The following MND1 variants were observed in gnomAD, a reference collection of about 807,000 sequenced individuals.
The protein encoded by MND1 is meiotic nuclear divisions 1, also known as meiotic nuclear division protein 1 homolog.
Under a neutral mutation model 35.1 loss-of-function variants are expected in MND1, and 28 were observed. The ratio of observed to expected loss-of-function variants is 0.80; its 90% CI spans 0.59 to 1.09. The LOEUF (loss-of-function observed/expected upper bound fraction) is 1.09. Among genes scored for constraint, MND1 ranks in the 50% least tolerant of loss-of-function variants. The pLI, the probability that MND1 is intolerant of heterozygous loss-of-function variation, is 0.00. For synonymous variants in MND1, 69 were observed against 70.5 expected (o/e 0.98, Z 0.11); for missense variants, 213 against 239.6 (o/e 0.89, Z 0.73).
chr4:153,372,800 A>G (rs1265929477), intron 4 of MND1, among the ~76,000 whole-genome samples: 1 of 152,122 alleles, frequency 6.6e-6, no homozygotes, highest in East Asian at 1.9e-4. Flanking sequence ...GTATTCATTC[A>G]TTTCTGTTGC....
chr4:153,346,784 G>A (rs1267744978), intron 1 of MND1, among the ~76,000 whole-genome samples: 3 of 152,146 alleles, frequency 2.0e-5, no homozygotes, highest in Admixed American at 6.5e-5. Flanking sequence ...CCTGCCTCTG[G>A]GGGGCAGATT....
At position 153,374,577 on chromosome 4, in the gene MND1, T is replaced by C. The variant is rs10015068; in HGVS notation, c.276+15955T>C. 6.8e-3 allele frequency among the ~76,000 whole-genome samples: 1,028 copies of C among 152,262 alleles called. 4 individuals are homozygous for C. The highest frequency in any genetic ancestry group is 0.024 in the African/African-American group (988 of 41,570). On this transcript the variant is annotated intron_variant, in intron 4 of 7. Transcript: ENST00000240488. ...TATTCTACATATTGCCAAATTATAA[T>C]GTTAACTTCCCTTGAGTTTCTTGTT... is the stretch of plus-strand genomic sequence containing the variant.
At chr4:153,412,740 G>A (rs1180610509) in intron 7 of MND1, among the ~76,000 whole-genome samples, 1 of 150,728 alleles carries the variant, frequency 6.6e-6, no homozygotes, top group Non-Finnish European at 1.5e-5. Context: ...TGCCTGCCTC[G>A]GCCCCACAAA....
chr4:153,351,119 T>G (rs1773208145), intron 2 of MND1, among the ~76,000 whole-genome samples: 1 of 152,188 alleles, frequency 6.6e-6, no homozygotes, highest in Admixed American at 6.5e-5. Flanking sequence ...TAGCAATTCT[T>G]CTGCTGAGTT....
At chr4:153,358,834 G>A (rs1773409860) in intron 4 of MND1, among the ~76,000 whole-genome samples, 1 of 152,104 alleles carries the variant, frequency 6.6e-6, no homozygotes, top group South Asian at 2.1e-4. Flanking sequence ...TATTGTTTTT[G>A]TTGTTGCTGT....
chr4:153,381,693 T>TATATATATATATATATATATA (rs1491188331), intron 4 of MND1: 1 of 12,076 alleles, frequency 8.3e-5, no homozygotes, highest in Admixed American at 1.6e-3. Flanking sequence ...TATATATATA[T>TATATATATATATATATATATA]TTTTTTTTTT....
chr4:153,407,270 C>T (rs961382580), intron 6 of MND1, among the ~76,000 whole-genome samples: 1 of 152,156 alleles, frequency 6.6e-6, no homozygotes, highest in Admixed American at 6.5e-5. Flanking sequence ...TGGAGACCAG[C>T]CTGACCAACA....
At chr4:153,403,084 C>T (rs896679183) in intron 6 of MND1, among the ~76,000 whole-genome samples, 2 of 152,066 alleles carry the variant, frequency 1.3e-5, no homozygotes, top group African/African-American at 4.8e-5. Context: ...TGCAGTGAGC[C>T]ATGATCGTGC....
At chr4:153,362,506 G>A (rs893206647) in intron 4 of MND1, among the ~76,000 whole-genome samples, 1 of 152,152 alleles carries the variant, frequency 6.6e-6, no homozygotes, top group Non-Finnish European at 1.5e-5. Context: ...AGAAGCAGAA[G>A]CCACCATGCT....
At chr4:153,388,794 G>A (rs375986348) in intron 4 of MND1, among the ~76,000 whole-genome samples, 1 of 152,146 alleles carries the variant, frequency 6.6e-6, no homozygotes. Flanking sequence ...ACTGCCATTG[G>A]CGGTTCCCGA....
At chr4:153,375,200 A>G (rs1169982956) in intron 4 of MND1, among the ~76,000 whole-genome samples, 2 of 152,166 alleles carry the variant, frequency 1.3e-5, no homozygotes, top group Non-Finnish European at 2.9e-5. Context: ...TGAGCTGAAA[A>G]TTGGGTAGGT....
intron 4 of MND1, among the ~76,000 whole-genome samples, chr4:153,375,375 C>G (rs76912542): frequency 0.017 from 2,587 of 152,122 alleles, 53 homozygotes; most frequent in East Asian, 0.076. Flanking sequence ...AATGGAGGCA[C>G]TAAGAGATTG....
chr4:153,362,394 G>A lies in MND1; in HGVS notation c.276+3772G>A, dbSNP rs114516080. 3.6e-3 allele frequency among the ~76,000 whole-genome samples: 555 copies of A among 152,222 alleles called. 2 individuals carry two copies. The highest frequency in any genetic ancestry group is 0.012 in the African/African-American group (510 of 41,540). On this transcript the variant is annotated intron_variant, in intron 4 of 7. Coordinates refer to ENST00000240488, the MANE Select transcript of MND1 (RefSeq NM_032117.4). ...TGTGATAGTGAGTGAGTTCTCATGA[G>A]ATCTGGCTGTTTAAGTGTGTAGCAC...
chr4:153,392,297 G>A (rs1025080568), intron 4 of MND1, among the ~76,000 whole-genome samples: 2 of 151,904 alleles, frequency 1.3e-5, no homozygotes, highest in African/African-American at 4.8e-5. Flanking sequence ...AGTAGAGACG[G>A]GGTTTCACCA....
At chr4:153,351,342 G>A (rs758905391) in intron 2 of MND1, among the ~76,000 whole-genome samples, 1 of 152,156 alleles carries the variant, frequency 6.6e-6, no homozygotes, top group Non-Finnish European at 1.5e-5. Context: ...GTTTAAGGAA[G>A]TTCAGTAATT....
chr4:153,393,471 A>G (rs544089099), intron 4 of MND1, among the ~76,000 whole-genome samples: 1 of 151,640 alleles, frequency 6.6e-6, no homozygotes, highest in Admixed American at 6.6e-5. Flanking sequence ...CCCAGGCTCA[A>G]GCAGTCCTCA....
chr4:153,361,269 A>G (rs1306014840), intron 4 of MND1, among the ~76,000 whole-genome samples: 2 of 152,178 alleles, frequency 1.3e-5, no homozygotes, highest in Admixed American at 6.5e-5. Context: ...CTAATTTATC[A>G]TTGCTTCCCG....
At chr4:153,345,730 G>A (rs1052619720) in intron 1 of MND1, among the ~76,000 whole-genome samples, 11 of 152,212 alleles carry the variant, frequency 7.2e-5, no homozygotes, top group African/African-American at 2.2e-4. Flanking sequence ...GTATTTATTT[G>A]AAGATATTTG....
chr4:153,411,892 G>A (rs1168092369), intron 7 of MND1, among the ~76,000 whole-genome samples: 5 of 152,094 alleles, frequency 3.3e-5, no homozygotes, highest in Non-Finnish European at 7.4e-5. Flanking sequence ...TCAACTTGAA[G>A]GCATAGGTTT....
Sources: allele counts gnomAD v4.1 joint callset (sites outside exome capture counted in the v4.1 genomes callset), GRCh38; gene constraint gnomAD v4.1.1; transcripts MANE v1.5; gene names NCBI Gene and HGNC (gene_info 2026-07-23, HGNC 2026-07-21).